Variants in ENOX1 observed in about 807,000 individuals in gnomAD.
ENOX1 encodes candidate growth-related and time keeping constitutive hydroquinone (NADH) oxidase.
In ENOX1, 42 loss-of-function variants were observed where a neutral mutation model predicts 82.5. The ratio of observed to expected loss-of-function variants is 0.51; its 90% CI spans 0.40 to 0.66. The LOEUF is 0.66. Ranked by LOEUF, ENOX1 falls within the 30% of genes least tolerant of loss-of-function variation. The pLI is 0.00. For missense variants in ENOX1, 608 were observed against 811.6 expected (o/e 0.75, Z 3.05); for synonymous variants, 271 against 282.2 (o/e 0.96, Z 0.40).
At chr13:43,355,032 T>C (rs1450595756) in intron 8 of ENOX1, among the ~76,000 whole-genome samples, 2 of 152,244 alleles carry the variant, frequency 1.3e-5, no homozygotes, top group African/African-American at 4.8e-5. Context: ...TAATTGTTTA[T>C]CTGTAGACAC....
At chr13:43,435,392 C>G (rs1394566208) in intron 3 of ENOX1, among the ~76,000 whole-genome samples, 3 of 152,158 alleles carry the variant, frequency 2.0e-5, no homozygotes, top group Non-Finnish European at 4.4e-5. Flanking sequence ...ACTGACAATG[C>G]CACCAATAGC....
chr13:43,464,941 G>A (rs2057653607), intron 3 of ENOX1, among the ~76,000 whole-genome samples: 2 of 152,150 alleles, frequency 1.3e-5, no homozygotes, highest in South Asian at 4.1e-4. Flanking sequence ...TATTAGCCAA[G>A]TATTTTTAAA....
chr13:43,316,335 T>A (rs534561032), intron 11 of ENOX1, among the ~76,000 whole-genome samples: 2 of 152,318 alleles, frequency 1.3e-5, no homozygotes, highest in South Asian at 4.1e-4. Context: ...AAGTCCTTGG[T>A]CCTGTAGACA....
intron 11 of ENOX1, among the ~76,000 whole-genome samples, chr13:43,310,408 T>TA (rs1566481375): frequency 2.0e-5 from 3 of 151,394 alleles, no homozygotes; most frequent in Non-Finnish European, 3.0e-5. Flanking sequence ...AATGATTTTT[T>TA]TAAAAATGAC....
intron 3 of ENOX1, among the ~76,000 whole-genome samples, chr13:43,478,253 C>T (rs552810507): frequency 1.2e-4 from 18 of 152,034 alleles, no homozygotes; most frequent in South Asian, 1.0e-3. Flanking sequence ...ATTAGATATA[C>T]GCCCACAATA....
At chr13:43,469,223 G>A (rs1205003286) in intron 3 of ENOX1, among the ~76,000 whole-genome samples, 2 of 152,056 alleles carry the variant, frequency 1.3e-5, no homozygotes, top group African/African-American at 4.8e-5. Flanking sequence ...TAAGATGATT[G>A]TATGTTTTTC....
At chr13:43,233,086 T>C (rs927340872) in intron 15 of ENOX1, among the ~76,000 whole-genome samples, 6 of 152,208 alleles carry the variant, frequency 3.9e-5, no homozygotes, top group Non-Finnish European at 5.9e-5. Context: ...GCAGGCCATA[T>C]GTGAAATAAA....
chr13:43,605,072 T>C (rs2081917474), intron 2 of ENOX1, among the ~76,000 whole-genome samples: 1 of 151,926 alleles, frequency 6.6e-6, no homozygotes, highest in African/African-American at 2.4e-5. Context: ...GTGAAAGATA[T>C]CTACAATGAA....
intron 16 of ENOX1, among the ~76,000 whole-genome samples, chr13:43,218,873 T>C (rs1161135749): frequency 6.6e-6 from 1 of 152,232 alleles, no homozygotes; most frequent in Non-Finnish European, 1.5e-5. Context: ...AAAGAATTTT[T>C]ACTTTATAAA....
intron 2 of ENOX1, among the ~76,000 whole-genome samples, chr13:43,652,110 T>C (rs866820932): frequency 6.6e-6 from 1 of 151,866 alleles, no homozygotes; most frequent in South Asian, 2.1e-4. Context: ...CAAAAGTGAA[T>C]CAGAAAATGA....
intron 14 of ENOX1, among the ~76,000 whole-genome samples, chr13:43,254,092 C>G (rs2043611874): frequency 6.6e-6 from 1 of 152,136 alleles, no homozygotes; most frequent in Admixed American, 6.6e-5. Context: ...GGTTAGAACT[C>G]ATTTTGTTAA....
chr13:43,532,159 G>C (rs567835367), intron 2 of ENOX1, among the ~76,000 whole-genome samples: 7 of 151,956 alleles, frequency 4.6e-5, no homozygotes, highest in African/African-American at 1.2e-4. Flanking sequence ...TTAAAATAAA[G>C]AAAAAGAAGA....
chr13:43,584,580 C>G (rs147353699), intron 2 of ENOX1, among the ~76,000 whole-genome samples: 284 of 152,260 alleles, frequency 1.9e-3, no homozygotes, highest in Non-Finnish European at 2.7e-3. Flanking sequence ...ACATTCCAAC[C>G]ACTGTTGATA....
intron 2 of ENOX1, among the ~76,000 whole-genome samples, chr13:43,539,425 A>C (rs1011706378): frequency 6.6e-6 from 1 of 152,124 alleles, no homozygotes; most frequent in Admixed American, 6.5e-5. Context: ...TTCTCCTTTA[A>C]CCCAGTATTT....
rs547727818 is a variant in ENOX1 at position 43,604,799 on chromosome 13, G to A, written c.-219+62680C>T. Among the ~76,000 whole-genome samples, 79 of 152,226 alleles carry A rather than the reference G, an allele frequency of 5.2e-4. 1 individual carries two copies. The highest frequency in any genetic ancestry group is 1.8e-3 in the African/African-American group (75 of 41,574). On this transcript the variant is annotated intron_variant, in intron 2 of 16. Transcript: ENST00000690772. ...CAATCAGACAAGAAAAAGAAATAAA[G>A]GGAATCCAAATTAGGGGGGAATAAG...
chr13:43,384,142 G>A lies in ENOX1; in HGVS notation c.209-22690C>T, dbSNP rs7986751. Among the ~76,000 whole-genome samples the A allele has an allele frequency of 4.6e-3, 701 of 152,260 alleles. 7 individuals are homozygous for A. The highest frequency in any genetic ancestry group is 0.016 in the African/African-American group (657 of 41,548). On this transcript the variant is annotated intron_variant, in intron 5 of 16. Transcript: ENST00000690772. ...TAACAGCACTGATTTCACTGGGTGAGGATTAGATAAGGACTGAGATGCTTA... is the reference window on the plus strand; with the variant it reads ...TAACAGCACTGATTTCACTGGGTGAAGATTAGATAAGGACTGAGATGCTTA...
chr13:43,282,992 A>G (rs1352730034), intron 12 of ENOX1, among the ~76,000 whole-genome samples: 3 of 151,960 alleles, frequency 2.0e-5, no homozygotes, highest in Non-Finnish European at 2.9e-5. Context: ...CTGAGGCAGG[A>G]GAATCGCTTG....
intron 5 of ENOX1, among the ~76,000 whole-genome samples, chr13:43,375,022 G>A (rs2051520799): frequency 6.6e-6 from 1 of 152,204 alleles, no homozygotes; most frequent in Admixed American, 6.5e-5. Flanking sequence ...GTTATTATGA[G>A]TGCCAAACTG....
chr13:43,703,660 T>G (rs2087052014), intron 1 of ENOX1, among the ~76,000 whole-genome samples: 1 of 152,158 alleles, frequency 6.6e-6, no homozygotes, highest in Non-Finnish European at 1.5e-5. Flanking sequence ...ACAGGCAATA[T>G]GCTAGGAGTT....
Sources: gnomAD v4.1 joint callset for allele counts (sites outside exome capture counted in the v4.1 genomes callset) on GRCh38, gnomAD v4.1.1 for gene constraint, MANE v1.5 for transcripts, NCBI Gene and HGNC (gene_info 2026-07-23, HGNC 2026-07-21) for gene names.